Variants in SLC35F6 observed in about 807,000 individuals in gnomAD.
The protein encoded by SLC35F6 is solute carrier family 35 member F6, also known as ANT2-binding protein.
In SLC35F6, 26 loss-of-function variants were observed where a neutral mutation model predicts 29.4. The observed-to-expected ratio is 0.89, with a 90% CI of 0.65 to 1.23. The LOEUF (loss-of-function observed/expected upper bound fraction) is 1.23. Among genes scored for constraint, SLC35F6 ranks in the 50% most tolerant of loss-of-function variants. The pLI is 0.00. For synonymous variants in SLC35F6, 174 were observed against 206.6 expected (o/e 0.84, Z 1.35); for missense variants, 428 against 487.8 (o/e 0.88, Z 1.15).
chr2:26,766,788 G>A (rs1310949239), intron 1 of SLC35F6, among the ~76,000 whole-genome samples: 2 of 152,116 alleles, frequency 1.3e-5, no homozygotes, highest in Non-Finnish European at 2.9e-5. Flanking sequence ...GCAAAGACAG[G>A]GGCTGATATT....
chr2:26,774,450 C>A, intron 2 of SLC35F6, 127 bp downstream of exon 2: 1 of 1,001,500 alleles, frequency 1.0e-6, no homozygotes, highest in South Asian at 1.6e-5. Context: ...AAGAGCCATC[C>A]ACTTCTCTCT....
intron 5 of SLC35F6, 49 bp from the exon 6 acceptor site, chr2:26,777,992 TG>T (rs1219517591): frequency 6.4e-7 from 1 of 1,552,848 alleles, no homozygotes; most frequent in African/African-American, 1.4e-5. Flanking sequence ...TGGGCTGTGC[TG>T]GGGGTCTGGG....
chr2:26,771,464 G>A (rs1484865320), intron 1 of SLC35F6, among the ~76,000 whole-genome samples: 2 of 152,364 alleles, frequency 1.3e-5, no homozygotes, highest in Admixed American at 1.3e-4. Flanking sequence ...GCTCTGGGCA[G>A]TTGGCTCTGT....
chr2:26,775,099 G>A lies in SLC35F6; in HGVS notation c.206G>A (p.Arg69Gln), dbSNP rs376024017. The A allele has an allele frequency of 3.1e-6, 5 of 1,613,910 alleles. No individual in the cohort carries two copies. Among genetic ancestry groups the A allele is most frequent in the Middle Eastern group, 1.6e-4 (1 of 6,084 alleles). The change falls in exon 3 of 6, where the codon CGA becomes CAA. Residue 69 changes from arginine (R) to glutamine (Q), a missense_variant. Arg to Gln is a conservative substitution (Grantham distance 43). Coordinates refer to ENST00000344420, the MANE Select transcript of SLC35F6 (RefSeq NM_017877.4). The surrounding 1 kb of genome is among the most constrained non-coding windows in gnomAD (Gnocchi z 4.6). The part of the protein sequence containing the change: ...FSCLAAFYLL[R>Q]CRAAGQSDSS... ...TGCCTGGCTGCCTTCTACCTCCTCC[G>A]ATGCAGAGCTGCAGGGCAATCAGAC...
chr2:26,765,558 G>A (rs1664083060), intron 1 of SLC35F6, among the ~76,000 whole-genome samples: 1 of 152,226 alleles, frequency 6.6e-6, no homozygotes, highest in South Asian at 2.1e-4. Flanking sequence ...TAAGGGAAGG[G>A]GACAGAAGTG....
rs1055218634 is a variant in SLC35F6 at position 26,764,479 on chromosome 2, C to T, written c.77+53C>T. The T allele has an allele frequency of 1.2e-5, 19 of 1,542,624 alleles. No homozygotes were observed. The African/African-American group carries it at 1.9e-4, about 16-fold the overall frequency. On this transcript the variant is annotated intron_variant, in intron 1 of 5. Coordinates refer to ENST00000344420, the MANE Select transcript of SLC35F6 (RefSeq NM_017877.4). Reference sequence around the variant, plus strand: ...GGCCCTGGCGACCCCGGCGCTCGTTCTACGCCTTCCCCCTTCTTGGCCCTG... The same window carrying T: ...GGCCCTGGCGACCCCGGCGCTCGTTTTACGCCTTCCCCCTTCTTGGCCCTG...
chr2:26,776,352 G>A lies in SLC35F6; in HGVS notation c.536-20G>A. 1.2e-6 allele frequency: 2 copies of A among 1,611,828 alleles called. No homozygotes were observed. The highest frequency in any genetic ancestry group is 1.7e-6 in the Non-Finnish European group (2 of 1,177,932). On this transcript the variant is annotated intron_variant, in intron 4 of 5. Transcript: ENST00000344420. The stretch of plus-strand genomic sequence containing the variant: ...CCCCAGTGCAGCCCTGTTCTCATCT[G>A]GGTCCCTCCTTCCCCACAGGGGACC...
At position 26,778,846 on chromosome 2, in the gene SLC35F6, CAT is replaced by C. The variant is rs1664355461; in HGVS notation, c.*337_*338del. On this transcript the variant is annotated 3_prime_UTR_variant, in exon 6 of 6. Transcript: ENST00000344420. ...GTATCTGAATCATAAACTAGATTAT[CAT>C]AGTTATCTAGTTTATGAGTCATAAG... is the stretch of plus-strand genomic sequence containing the variant. 1 of 305,206 alleles carries C rather than the reference CAT, an allele frequency of 3.3e-6. No homozygotes were observed. The highest frequency in any genetic ancestry group is 2.1e-5 in the African/African-American group (1 of 47,166). 18.9% of individuals were successfully genotyped at this position (305,206 alleles called of 1,614,324 possible). A position where few individuals can be genotyped will look rare whatever the true frequency, so the allele number is the denominator to read the frequency against.
chr2:26,764,733 C>T, intron 1 of SLC35F6: 3 of 948,682 alleles, frequency 3.2e-6, no homozygotes, highest in Non-Finnish European at 2.5e-6. Flanking sequence ...GCGTCCAAGC[C>T]TGAGCACCTC....
chr2:26,775,740 A>G lies in SLC35F6; in HGVS notation c.535+64A>G, dbSNP rs1572634382. 9 of 1,466,864 alleles carry G rather than the reference A, an allele frequency of 6.1e-6. No individual in the cohort carries two copies. Among genetic ancestry groups the G allele is most frequent in the Non-Finnish European group, 9.0e-7 (1 of 1,105,604 alleles). The allele number at this position is 1,466,864 out of a possible 1,614,324, so 90.9% of individuals were successfully genotyped here. Reference sequence around the variant, plus strand: ...GCCCTGTCCTCCTTGGGAGCCCAGCACAGACTCATACAAGCTCTGCCATGT... The same window carrying G: ...GCCCTGTCCTCCTTGGGAGCCCAGCGCAGACTCATACAAGCTCTGCCATGT... On this transcript the variant is annotated intron_variant, in intron 4 of 5. Coordinates refer to ENST00000344420, the MANE Select transcript of SLC35F6 (RefSeq NM_017877.4). This position sits in a 1 kb window ranked among gnomAD's most constrained non-coding sequence, Gnocchi z 4.6.
chr2:26,772,087 G>T (rs545870669), intron 1 of SLC35F6, among the ~76,000 whole-genome samples: 1 of 152,246 alleles, frequency 6.6e-6, no homozygotes, highest in South Asian at 2.1e-4. Context: ...ACATCTCCAG[G>T]AGCTGGTGGG....
In SLC35F6 at chr2:26,779,596, T is replaced by G. The variant is rs1664371647; in HGVS notation, c.*1085T>G. 6.6e-6 allele frequency: 1 copy of G among 151,856 alleles called. No individual in the cohort carries two copies. Among genetic ancestry groups the G allele is most frequent in the Non-Finnish European group, 1.5e-5 (1 of 68,068 alleles). 9.4% of individuals were successfully genotyped at this position (151,856 alleles called of 1,614,324 possible). A position where few individuals can be genotyped will look rare whatever the true frequency, so the allele number is the denominator to read the frequency against. ...CACGCTGGAGTGCAGTGGTGTGATC[T>G]CGGCTCACTGCAACCTCCCGCTCCC... On this transcript the variant is annotated 3_prime_UTR_variant, in exon 6 of 6. Coordinates refer to ENST00000344420, the MANE Select transcript of SLC35F6 (RefSeq NM_017877.4).
chr2:26,773,385 C>T lies in SLC35F6; in HGVS notation c.78-866C>T, dbSNP rs542994027. Among the ~76,000 whole-genome samples, 88 of 151,620 alleles carry T rather than the reference C, an allele frequency of 5.8e-4. 1 individual carries two copies. The highest frequency in any genetic ancestry group is 3.4e-3 in the Middle Eastern group (1 of 294). ...AGGCGTGGTGTCGGGCGCCTGTAGT[C>T]CCAGCTGCTCAGGAGGCTGAGGCAG... On this transcript the variant is annotated intron_variant, in intron 1 of 5. Coordinates refer to ENST00000344420, the MANE Select transcript of SLC35F6 (RefSeq NM_017877.4).
At chr2:26,776,224 C>G (rs1200722894) in intron 4 of SLC35F6, 148 bp from the exon 5 acceptor site, 11 of 660,200 alleles carry the variant, frequency 1.7e-5, no homozygotes, top group Non-Finnish European at 2.6e-6. Flanking sequence ...ACCAGGGAAT[C>G]AGGGACAGGC....
intron 1 of SLC35F6, 83 bp from the exon 2 acceptor site, chr2:26,774,168 C>T: frequency 6.4e-7 from 1 of 1,551,478 alleles, no homozygotes; most frequent in Non-Finnish European, 8.8e-7. Flanking sequence ...GTCTGGGCCT[C>T]TTGACATTGA....
chr2:26,764,965 T>C, intron 1 of SLC35F6: 1 of 985,428 alleles, frequency 1.0e-6, no homozygotes, highest in Non-Finnish European at 1.2e-6. Flanking sequence ...AAAGGCCAGA[T>C]CAAAGTCGAT....
At chr2:26,765,047 A>T (rs949333038) in intron 1 of SLC35F6, 2 of 977,286 alleles carry the variant, frequency 2.0e-6, no homozygotes, top group Non-Finnish European at 2.4e-6. Context: ...CTGGGGAATG[A>T]CATGTTGAAA....
In SLC35F6 at chr2:26,778,233, G is replaced by A. The variant is rs1324957693; in HGVS notation, c.838G>A (p.Gly280Ser). Residue 280 changes from glycine (G) to serine (S), a missense_variant, in exon 6 of 6, where the codon GGC becomes AGC. Gly to Ser is a moderately conservative substitution (Grantham distance 56, BLOSUM62 0). Transcript: ENST00000344420. ...ISSIAFFNFA[G>S]ISVTKELSAT... ...CAGCATTGCCTTCTTCAACTTCGCAGGCATCAGCGTCACCAAGGAACTGAG... is the reference window on the plus strand; with the variant it reads ...CAGCATTGCCTTCTTCAACTTCGCAAGCATCAGCGTCACCAAGGAACTGAG... 1 of 1,614,050 alleles carries A rather than the reference G, an allele frequency of 6.2e-7. No homozygotes were observed. Among genetic ancestry groups the A allele is most frequent in the Non-Finnish European group, 8.5e-7 (1 of 1,180,042 alleles).
chr2:26,766,963 G>A (rs1354334464), intron 1 of SLC35F6, among the ~76,000 whole-genome samples: 2 of 152,114 alleles, frequency 1.3e-5, no homozygotes, highest in East Asian at 3.9e-4. Flanking sequence ...AGTCATTTTG[G>A]GGTCATTTAG....
Sources: gnomAD v4.1 joint callset for allele counts (sites outside exome capture counted in the v4.1 genomes callset) on GRCh38, gnomAD v4.1.1 for gene constraint, Gnocchi (gnomAD v3.1) non-coding constraint, MANE v1.5 for transcripts, NCBI Gene and HGNC (gene_info 2026-07-23, HGNC 2026-07-21) for gene names.